Variants in DDHD2 observed in about 807,000 individuals in gnomAD.
The protein encoded by DDHD2 is triacylglycerol hydrolase DDHD2.
Under a neutral mutation model 91.2 loss-of-function variants are expected in DDHD2, and 62 were observed. The ratio of observed to expected loss-of-function variants is 0.68; its 90% CI spans 0.55 to 0.84. The LOEUF is 0.84. Among genes scored for constraint, DDHD2 ranks in the 40% least tolerant of loss-of-function variants. The probability of loss-of-function intolerance (pLI) is 0.00; values close to 1 mark genes in which losing one functional copy is unlikely to be tolerated. For synonymous variants in DDHD2, 271 were observed against 293.9 expected (o/e 0.92, Z 0.80); for missense variants, 740 against 846.9 (o/e 0.87, Z 1.57).
intron 1 of DDHD2, chr8:38,268,310 C>G: frequency 7.0e-7 from 1 of 1,433,274 alleles, no homozygotes; most frequent in Admixed American, 2.0e-5. Context: ...GTGGCTGAAT[C>G]CCACAACGAC....
At chr8:38,257,766 G>A (rs1158077833) in intron 16 of DDHD2, among the ~76,000 whole-genome samples, 1 of 149,008 alleles carries the variant, frequency 6.7e-6, no homozygotes, top group Non-Finnish European at 1.5e-5. Flanking sequence ...CCAGGTTCAA[G>A]TGATTCTCCT....
chr8:38,233,215 G>C lies in DDHD2; in HGVS notation c.220+1G>C. On this transcript the variant is annotated splice_donor_variant, in intron 2 of 17. Transcript: ENST00000397166. LOFTEE classifies it high-confidence loss of function. The stretch of plus-strand genomic sequence containing the variant: ...CAGCTGGAAGAGGCATATAGCTCTG[G>C]TAGGTGAAAATTATGACTTGGAATA... 1 of 1,608,230 alleles carries C rather than the reference G, an allele frequency of 6.2e-7. No homozygotes were observed. The highest frequency in any genetic ancestry group is 8.5e-7 in the Non-Finnish European group (1 of 1,175,346).
intron 7 of DDHD2, among the ~76,000 whole-genome samples, chr8:38,243,333 T>C (rs1439977257): frequency 2.0e-5 from 3 of 152,238 alleles, no homozygotes; most frequent in Non-Finnish European, 4.4e-5. Flanking sequence ...TTTCTGCTTT[T>C]AGAAATTGTG....
chr8:38,267,044 T>C, downstream of DDHD2: 1 of 1,416,768 alleles, frequency 7.1e-7, no homozygotes, highest in Non-Finnish European at 9.2e-7. Context: ...AATATAACAA[T>C]TAAATGTGCA....
chr8:38,255,249 G>A, intron 16 of DDHD2: 1 of 330,078 alleles, frequency 3.0e-6, no homozygotes, highest in South Asian at 2.4e-5. Flanking sequence ...TTTTTCCCTT[G>A]AATTCTGATG....
chr8:38,255,355 A>G, intron 16 of DDHD2: 1 of 509,766 alleles, frequency 2.0e-6, no homozygotes, highest in Non-Finnish European at 3.9e-6. Flanking sequence ...AATGCTAAGA[A>G]TGATCTCTGG....
rs1807137627 is a variant in DDHD2 at position 38,262,820 on chromosome 8, A to G, written c.*2247A>G. The G allele has an allele frequency of 6.6e-6, 1 of 152,238 alleles. No individual in the cohort carries two copies. The highest frequency in any genetic ancestry group is 1.5e-5 in the Non-Finnish European group (1 of 68,030). 9.4% of individuals were successfully genotyped at this position (152,238 alleles called of 1,614,324 possible). A position where few individuals can be genotyped will look rare whatever the true frequency, so the allele number is the denominator to read the frequency against. ...GACTCACCCGTCTCAAAGTCAAGAA[A>G]ATCAGTACAGTCACGATTTTCTCTG... is the stretch of plus-strand genomic sequence containing the variant. On this transcript the variant is annotated 3_prime_UTR_variant, in exon 18 of 18. Transcript: ENST00000397166.
At position 38,269,141 on chromosome 8, in the gene DDHD2, A is replaced by T; in HGVS notation, n.88-1981A>T. ...TCTTTCTTACAGGAAGGCCGCGAAC[A>T]GCGCGAGCCGCACGCCCACTTCGGC... On this transcript the variant is annotated intron_variant and non_coding_transcript_variant, in intron 1 of 1. Coordinates refer to the DDHD2 transcript ENST00000526071. 5.3e-6 allele frequency: 8 copies of T among 1,517,786 alleles called. No homozygotes were observed. The highest frequency in any genetic ancestry group is 2.1e-4 in the Middle Eastern group (1 of 4,732). The allele number at this position is 1,517,786 out of a possible 1,614,324, so 94.0% of individuals were successfully genotyped here. A position where few individuals can be genotyped will look rare whatever the true frequency, so the allele number is the denominator to read the frequency against.
chr8:38,260,064 C>G lies in DDHD2; in HGVS notation c.2079C>G (p.Leu693=), dbSNP rs764676419. The G allele has an allele frequency of 6.2e-7, 1 of 1,613,230 alleles. No individual in the cohort carries two copies. Among genetic ancestry groups the G allele is most frequent in the South Asian group, 1.1e-5 (1 of 91,060 alleles). ...CYWESEDTVL[L]VLKEIYQTQG... ...GGGAGTCTGAAGATACAGTATTGCT[C>G]GTCCTCAAAGAGATCTACCAAACCC... Residue 693 remains leucine, a synonymous_variant, in exon 17 of 18, where the codon CTC becomes CTG. Coordinates refer to ENST00000397166, the MANE Select transcript of DDHD2 (RefSeq NM_015214.3).
At chr8:38,263,977 C>T (rs539791544), downstream of DDHD2, 3 of 985,660 alleles carry the variant, frequency 3.0e-6, no homozygotes, top group East Asian at 2.3e-4. Context: ...AGAACCGTAA[C>T]TCCTCAAGAT....
In DDHD2 at chr8:38,252,978, G is replaced by A; in HGVS notation, c.1742G>A (p.Arg581Lys). 1 of 1,614,072 alleles carries A rather than the reference G, an allele frequency of 6.2e-7. No individual in the cohort carries two copies. Among genetic ancestry groups the A allele is most frequent in the African/African-American group, 1.3e-5 (1 of 75,052 alleles). ...MHLELREGLT[R>K]MSMDLKNNLL... is the part of the protein sequence containing the mutation. ...TCAGAACTGAGAGAGGGCTTGACCA[G>A]GATGAGTATGGACCTTAAGAACAAC... Residue 581 changes from arginine to lysine, a missense_variant, in exon 15 of 18, where the codon AGG becomes AAG. Coordinates refer to ENST00000397166, the MANE Select transcript of DDHD2 (RefSeq NM_015214.3).
Position 38,243,701 on chromosome 8 carries a change from C to T in DDHD2, c.848+1316C>T, listed in dbSNP as rs187832799. Among the ~76,000 whole-genome samples, 4 of 151,902 alleles carry T rather than the reference C, an allele frequency of 2.6e-5. No homozygotes were observed. In the East Asian group the frequency reaches 7.7e-4, roughly 29 times the overall value. On this transcript the variant is annotated intron_variant, in intron 7 of 17. Transcript: ENST00000397166. ...GGAGTGCAGTGGTGTGATCACAGCT[C>T]ACTGCAGCCTGGACCTCCCTGGGCT...
chr8:38,253,956 G>A (rs894316898), intron 16 of DDHD2, among the ~76,000 whole-genome samples: 1 of 151,780 alleles, frequency 6.6e-6, no homozygotes, highest in African/African-American at 2.4e-5. Flanking sequence ...TGCGCTTATA[G>A]TCCCAGCTAC....
chr8:38,250,062 G>A lies in DDHD2; in HGVS notation c.1344+259G>A, dbSNP rs187825226. On this transcript the variant is annotated intron_variant, in intron 11 of 17. Coordinates refer to ENST00000397166, the MANE Select transcript of DDHD2 (RefSeq NM_015214.3). Reference sequence around the variant, plus strand: ...CTCTCGAGTAGCTGGGACTACAGGCGCCCACCACCATGCCTGGCTAATTTT... The same window carrying A: ...CTCTCGAGTAGCTGGGACTACAGGCACCCACCACCATGCCTGGCTAATTTT... 8.3e-4 allele frequency: 163 copies of A among 196,030 alleles called. 1 individual carries two copies. The highest frequency in any genetic ancestry group is 2.4e-3 in the African/African-American group (102 of 42,866). 12.1% of individuals were successfully genotyped at this position (196,030 alleles called of 1,614,324 possible).
rs1265936721 is a variant in DDHD2, at chr8:38,260,982, G to A, written c.*409G>A. The A allele has an allele frequency of 6.6e-6, 1 of 152,160 alleles. No individual in the cohort carries two copies. Among genetic ancestry groups the A allele is most frequent in the African/African-American group, 2.4e-5 (1 of 41,446 alleles). 9.4% of individuals were successfully genotyped at this position (152,160 alleles called of 1,614,324 possible). On this transcript the variant is annotated 3_prime_UTR_variant, in exon 18 of 18. Coordinates refer to ENST00000397166, the MANE Select transcript of DDHD2 (RefSeq NM_015214.3). ...TTGCTTATCTTTAGAAAATGTTCTA[G>A]TTTGGAAACAGATTCTTGAGATTCA...
At chr8:38,268,758 C>G (rs1382357776) in intron 1 of DDHD2, 1 of 1,436,922 alleles carries the variant, frequency 7.0e-7, no homozygotes, top group Non-Finnish European at 9.1e-7. Context: ...GAGGCGGAAC[C>G]CAGCGCACAG....
downstream of DDHD2, chr8:38,264,621 C>T: frequency 6.3e-7 from 1 of 1,576,832 alleles, no homozygotes; most frequent in Non-Finnish European, 8.6e-7. Flanking sequence ...AGAGTGGAAA[C>T]AAGGTCTTCT....
chr8:38,240,405 C>A, intron 6 of DDHD2, 41 bp downstream of exon 6: 1 of 1,388,720 alleles, frequency 7.2e-7, no homozygotes, highest in Non-Finnish European at 1.0e-6. Context: ...AATCAGTGCT[C>A]TTGTGAGCTG....
At chr8:38,257,952 C>T (rs748980794) in intron 16 of DDHD2, among the ~76,000 whole-genome samples, 10 of 152,102 alleles carry the variant, frequency 6.6e-5, no homozygotes, top group Non-Finnish European at 8.8e-5. Flanking sequence ...TGAGCCACTG[C>T]ACCCAGCCAA....
Sources: allele counts gnomAD v4.1 joint callset (sites outside exome capture counted in the v4.1 genomes callset), GRCh38; gene constraint gnomAD v4.1.1; transcripts MANE v1.5; gene names NCBI Gene and HGNC (gene_info 2026-07-23, HGNC 2026-07-21).